The following SOX5 variants were observed in gnomAD, a reference collection of about 807,000 sequenced individuals.
The protein encoded by SOX5 is transcription factor SOX-5.
A neutral mutation model predicts 92.0 loss-of-function variants in SOX5; 9 were observed. The observed-to-expected ratio is 0.10, with a 90% confidence interval of 0.06 to 0.17. SOX5 has a LOEUF of 0.17. Ranked by LOEUF, SOX5 falls within the 10% of genes least tolerant of loss-of-function variation. The pLI, the probability that SOX5 is intolerant of heterozygous loss-of-function variation, is 1.00. For missense variants in SOX5, 642 were observed against 944.5 expected (o/e 0.68, Z 4.20); for synonymous variants, 344 against 336.3 (o/e 1.02, Z -0.25).
At chr12:24,523,116 A>C (rs1324559472) in intron 1 of SOX5, among the ~76,000 whole-genome samples, 1 of 152,172 alleles carries the variant, frequency 6.6e-6, no homozygotes, top group Non-Finnish European at 1.5e-5. Context: ...CTATACACCA[A>C]CAATAAACTG....
At chr12:24,093,691 C>CT (rs199818216) in intron 4 of SOX5, among the ~76,000 whole-genome samples, 2,020 of 140,184 alleles carry the variant, frequency 0.014, 29 homozygotes, top group African/African-American at 0.033. Flanking sequence ...TTTGGTTGTC[C>CT]TTTTTTTTTT....
At chr12:24,314,376 G>T in intron 2 of SOX5, among the ~76,000 whole-genome samples, 1 of 137,484 alleles carries the variant, frequency 7.3e-6, no homozygotes, top group Non-Finnish European at 1.6e-5. Context: ...GGAGTAGGGG[G>T]AGGGGGGAGG....
chr12:23,737,175 C>T (rs77868051), intron 5 of SOX5, among the ~76,000 whole-genome samples: 10,248 of 152,148 alleles, frequency 0.067, 385 homozygotes, highest in South Asian at 0.092. Flanking sequence ...TACTTTCTCC[C>T]GTTCACCGTG....
chr12:24,032,023 C>T (rs1178782644), intron 4 of SOX5, among the ~76,000 whole-genome samples: 1 of 151,770 alleles, frequency 6.6e-6, no homozygotes, highest in Non-Finnish European at 1.5e-5. Context: ...AATGCTGTTA[C>T]TATTAGTAAG....
intron 1 of SOX5, among the ~76,000 whole-genome samples, chr12:24,538,042 C>T (rs1211709315): frequency 2.0e-5 from 3 of 152,134 alleles, no homozygotes; most frequent in African/African-American, 4.8e-5. Flanking sequence ...TACCATCCTC[C>T]GATGGAACAT....
At chr12:24,160,276 A>G (rs1272722661) in intron 4 of SOX5, among the ~76,000 whole-genome samples, 1 of 152,072 alleles carries the variant, frequency 6.6e-6, no homozygotes, top group Non-Finnish European at 1.5e-5. Flanking sequence ...TGTTCATAAC[A>G]TCTATAGTAG....
At chr12:23,608,265 T>C (rs2075524216) in intron 8 of SOX5, among the ~76,000 whole-genome samples, 1 of 152,014 alleles carries the variant, frequency 6.6e-6, no homozygotes, top group Non-Finnish European at 1.5e-5. Flanking sequence ...TTGGATGTGA[T>C]CTCTAAAACT....
At chr12:24,245,178 TA>T (rs1188427122) in intron 3 of SOX5, among the ~76,000 whole-genome samples, 1 of 151,956 alleles carries the variant, frequency 6.6e-6, no homozygotes, top group Non-Finnish European at 1.5e-5. Context: ...TAATTTTTCT[TA>T]CCAATAGACT....
intron 9 of SOX5, among the ~76,000 whole-genome samples, chr12:23,589,482 T>C (rs1450748554): frequency 6.6e-6 from 1 of 151,904 alleles, no homozygotes; most frequent in Non-Finnish European, 1.5e-5. Context: ...CTGAGTTTTC[T>C]ACAGTACACC....
Position 24,396,703 on chromosome 12 carries a change from T to C in SOX5, c.-250-28064A>G, listed in dbSNP as rs188049497. Among the ~76,000 whole-genome samples, 102 of 152,304 alleles carry C rather than the reference T, an allele frequency of 6.7e-4. 1 individual carries two copies. Among genetic ancestry groups the C allele is most frequent in the African/African-American group, 2.1e-3 (87 of 41,564 alleles). ...GATGTGTCTTTGCAATCTCCTATTT[T>C]TGCACCCAAAATGGATGTGTTAAAA... On this transcript the variant is annotated intron_variant, in intron 1 of 4. Transcript: ENST00000446891.
chr12:24,334,222 TAA>T (rs1039231809), intron 2 of SOX5, among the ~76,000 whole-genome samples: 1 of 151,902 alleles, frequency 6.6e-6, no homozygotes, highest in Non-Finnish European at 1.5e-5. Flanking sequence ...AACAACAGAA[TAA>T]GTTAAAGAAA....
Position 24,207,803 on chromosome 12 carries a change from G to A in SOX5, c.-2+5540C>T, listed in dbSNP as rs558918602. ...TCTAGATTGCCCTTCTTCCACTAAG[G>A]AGGCAACTTTCAGCATCAAGTTTAA... On this transcript the variant is annotated intron_variant, in intron 4 of 4. Transcript: ENST00000446891. Among the ~76,000 whole-genome samples the A allele has an allele frequency of 1.6e-4, 24 of 152,158 alleles. 1 individual carries two copies. The South Asian group carries it at 4.2e-3, about 26-fold the overall frequency.
intron 1 of SOX5, among the ~76,000 whole-genome samples, chr12:23,941,057 G>C (rs749429938): frequency 2.6e-5 from 4 of 151,454 alleles, no homozygotes; most frequent in Admixed American, 1.3e-4. Context: ...TCTATGAAAT[G>C]TTTCTTCCTT....
intron 4 of SOX5, among the ~76,000 whole-genome samples, chr12:24,163,083 C>A (rs1200062660): frequency 6.6e-6 from 1 of 152,088 alleles, no homozygotes; most frequent in Non-Finnish European, 1.5e-5. Flanking sequence ...TCTAAAGGCA[C>A]TACCTAACAG....
intron 11 of SOX5, among the ~76,000 whole-genome samples, chr12:23,551,715 CAG>C (rs1944256497): frequency 6.6e-6 from 1 of 151,772 alleles, no homozygotes; most frequent in Non-Finnish European, 1.5e-5. Flanking sequence ...GATATGAACT[CAG>C]GGGATGGAAA....
At position 23,533,124 on chromosome 12, in the gene SOX5, C is replaced by G. The variant is rs1939437555; in HGVS notation, c.*1095G>C. On this transcript the variant is annotated 3_prime_UTR_variant, in exon 15 of 15. Coordinates refer to ENST00000451604, the MANE Select transcript of SOX5 (RefSeq NM_006940.6). ...CTTGGTTAAGTTGTCATTTGAAGTG[C>G]AAAGTCAAGGTCAAGATTATTTCTA... 2.2e-6 allele frequency: 1 copy of G among 453,548 alleles called. No homozygotes were observed. The highest frequency in any genetic ancestry group is 2.0e-5 in the African/African-American group (1 of 49,902). The allele number at this position is 453,548 out of a possible 1,614,324, so 28.1% of individuals were successfully genotyped here.
chr12:24,385,944 A>AG (rs1555264631), intron 1 of SOX5, among the ~76,000 whole-genome samples: 11 of 141,034 alleles, frequency 7.8e-5, no homozygotes, highest in African/African-American at 1.1e-4. Context: ...AAAAAAAAAA[A>AG]AGAGAGAGAG....
chr12:24,525,566 A>G (rs1262786910), intron 1 of SOX5, among the ~76,000 whole-genome samples: 1 of 152,196 alleles, frequency 6.6e-6, no homozygotes, highest in Non-Finnish European at 1.5e-5. Flanking sequence ...AAATTAAAAG[A>G]AAAGATTAGA....
intron 4 of SOX5, among the ~76,000 whole-genome samples, chr12:24,197,738 A>C (rs962200290): frequency 2.0e-5 from 3 of 152,110 alleles, no homozygotes; most frequent in Admixed American, 1.3e-4. Context: ...ATGTGCCCCC[A>C]GTGTGGAGGA....
Sources: gnomAD v4.1 joint callset for allele counts (sites outside exome capture counted in the v4.1 genomes callset) on GRCh38, gnomAD v4.1.1 for gene constraint, MANE v1.5 for transcripts, NCBI Gene and HGNC (gene_info 2026-07-23, HGNC 2026-07-21) for gene names.